Variants in NME7 observed in about 807,000 individuals in gnomAD.
NME7 encodes nucleoside diphosphate kinase 7.
A neutral mutation model predicts 49.1 loss-of-function variants in NME7; 41 were observed. The observed-to-expected ratio is 0.83, with a 90% CI of 0.65 to 1.08. The LOEUF is 1.08. NME7 is among the 50% of genes least tolerant of loss of function. The probability of loss-of-function intolerance (pLI) is 0.00; values close to 1 mark genes in which losing one functional copy is unlikely to be tolerated. For synonymous variants in NME7, 139 were observed against 150.6 expected, an observed-to-expected ratio of 0.92 and a Z score of 0.56; for missense variants, 423 against 463.4, an observed-to-expected ratio of 0.91 and a Z score of 0.80.
chr1:169,164,205 G>C (rs1659338341), intron 11 of NME7, among the ~76,000 whole-genome samples: 1 of 152,004 alleles, frequency 6.6e-6, no homozygotes, highest in African/African-American at 2.4e-5. Context: ...ACCAAGGCTA[G>C]GAAACACTGT....
At chr1:169,320,485 A>T (rs994986) in intron 3 of NME7, among the ~76,000 whole-genome samples, 96,396 of 152,056 alleles carry the variant, frequency 0.63, 30,867 homozygotes, top group East Asian at 0.92. Flanking sequence ...AATTGGTTCA[A>T]AAATTTTTCT....
intron 1 of NME7, among the ~76,000 whole-genome samples, chr1:169,325,735 A>C (rs1038051582): frequency 6.6e-6 from 1 of 152,166 alleles, no homozygotes; most frequent in Non-Finnish European, 1.5e-5. Flanking sequence ...TTGTGTGTCT[A>C]ATGATGTTTA....
chr1:169,239,044 T>C (rs368722748), intron 7 of NME7, among the ~76,000 whole-genome samples: 1 of 151,980 alleles, frequency 6.6e-6, no homozygotes, highest in Non-Finnish European at 1.5e-5. Flanking sequence ...TGAGCGTCCA[T>C]GAGAATAGTT....
intron 1 of NME7, among the ~76,000 whole-genome samples, chr1:169,342,547 ATATATATATATACAAGTACATATATATAG>A (rs1652760232): frequency 3.3e-5 from 4 of 120,070 alleles, no homozygotes; most frequent in East Asian, 2.2e-4. Context: ...TATATATAGT[ATATATATATATACAAGTACATATATATAG>A]TATATATATA....
intron 7 of NME7, among the ~76,000 whole-genome samples, chr1:169,249,437 C>T (rs1648465970): frequency 6.6e-6 from 1 of 151,918 alleles, no homozygotes; most frequent in African/African-American, 2.4e-5. Context: ...ACAGCAATAG[C>T]TTGATGTCCT....
At chr1:169,171,765 A>G (rs1032454400) in intron 10 of NME7, among the ~76,000 whole-genome samples, 73 of 152,158 alleles carry the variant, frequency 4.8e-4, no homozygotes, top group African/African-American at 1.6e-3. Context: ...TTCCATCTCA[A>G]AAACAACAAC....
chr1:169,165,481 T>C (rs1004310345), intron 11 of NME7, among the ~76,000 whole-genome samples: 1 of 152,162 alleles, frequency 6.6e-6, no homozygotes, highest in Non-Finnish European at 1.5e-5. Flanking sequence ...AGGATAACAA[T>C]ATATTCTAGT....
chr1:169,253,077 A>G (rs1648710305), intron 7 of NME7, among the ~76,000 whole-genome samples: 1 of 151,984 alleles, frequency 6.6e-6, no homozygotes. Context: ...ACTTTAAAGT[A>G]GATTTTTCCA....
chr1:169,280,763 G>T (rs1034828628), intron 7 of NME7, among the ~76,000 whole-genome samples: 11 of 147,698 alleles, frequency 7.4e-5, no homozygotes, highest in Non-Finnish European at 1.0e-4. Flanking sequence ...TCAGATGGTT[G>T]TAGCTGTGTG....
chr1:169,138,101 A>C (rs576851457), intron 11 of NME7, among the ~76,000 whole-genome samples: 2 of 152,052 alleles, frequency 1.3e-5, no homozygotes, highest in Non-Finnish European at 2.9e-5. Context: ...ACCTGAGGTC[A>C]GGAGTTTGAG....
At chr1:169,245,873 T>A (rs1156396660) in intron 7 of NME7, among the ~76,000 whole-genome samples, 5 of 152,142 alleles carry the variant, frequency 3.3e-5, no homozygotes, top group African/African-American at 7.2e-5. Context: ...TTGGCAAACA[T>A]GCATAACAAA....
intron 7 of NME7, among the ~76,000 whole-genome samples, chr1:169,238,947 C>T (rs1647973836): frequency 6.6e-6 from 1 of 151,884 alleles, no homozygotes; most frequent in Non-Finnish European, 1.5e-5. Flanking sequence ...TAGCCATGCA[C>T]TTGTATGTGC....
At position 169,238,511 on chromosome 1, in the gene NME7, A is replaced by ACACACC. The variant is rs1553249036; in HGVS notation, c.755-830_755-825dup. On this transcript the variant is annotated intron_variant, in intron 7 of 11. Transcript: ENST00000367811. ...CACACACACACACACACACACACAC[A>ACACACC]CACACCATATTCTGGATCATCTGGA... is the stretch of plus-strand genomic sequence containing the variant. Among the ~76,000 whole-genome samples, 283 of 150,888 alleles carry ACACACC rather than the reference A, an allele frequency of 1.9e-3. 1 individual carries two copies. The highest frequency in any genetic ancestry group is 6.3e-3 in the African/African-American group (256 of 40,746).
chr1:169,263,711 C>T (rs1477214875), intron 7 of NME7, among the ~76,000 whole-genome samples: 3 of 133,354 alleles, frequency 2.2e-5, no homozygotes, highest in African/African-American at 7.6e-5. Flanking sequence ...ATTTCCTCAA[C>T]CTAGCTAGAG....
intron 11 of NME7, among the ~76,000 whole-genome samples, chr1:169,164,535 A>T (rs1659348506): frequency 6.6e-6 from 1 of 152,202 alleles, no homozygotes; most frequent in South Asian, 2.1e-4. Flanking sequence ...GCATAGTGAG[A>T]TGAGTAACTT....
At chr1:169,312,807 T>A (rs1185547705) in intron 3 of NME7, among the ~76,000 whole-genome samples, 1 of 152,180 alleles carries the variant, frequency 6.6e-6, no homozygotes, top group African/African-American at 2.4e-5. Context: ...TCTTAGATAG[T>A]GCAGTGCTAT....
At chr1:169,340,103 T>G (rs948441844) in intron 1 of NME7, among the ~76,000 whole-genome samples, 3 of 152,240 alleles carry the variant, frequency 2.0e-5, no homozygotes, top group African/African-American at 7.2e-5. Flanking sequence ...CTTCAGTTAT[T>G]CCATTTGAGT....
intron 1 of NME7, among the ~76,000 whole-genome samples, chr1:169,344,257 T>C (rs144385797): frequency 6.6e-6 from 1 of 152,358 alleles, no homozygotes; most frequent in East Asian, 1.9e-4. Flanking sequence ...TCTGCAACTT[T>C]GATGAACACA....
chr1:169,206,335 G>A (rs186854129), intron 10 of NME7, among the ~76,000 whole-genome samples: 32 of 152,174 alleles, frequency 2.1e-4, no homozygotes, highest in African/African-American at 7.2e-4. Flanking sequence ...TATCTATATG[G>A]AAGTTGGAGC....
Sources: gnomAD v4.1 joint callset for allele counts (sites outside exome capture counted in the v4.1 genomes callset) on GRCh38, gnomAD v4.1.1 for gene constraint, MANE v1.5 for transcripts, NCBI Gene and HGNC (gene_info 2026-07-23, HGNC 2026-07-21) for gene names.